SLC22A3: variants seen among roughly 807,000 people sequenced by gnomAD.
The protein encoded by SLC22A3 is solute carrier family 22 member 3.
A neutral mutation model predicts 59.1 loss-of-function variants in SLC22A3; 51 were observed. The observed-to-expected ratio is 0.86, with a 90% CI of 0.69 to 1.09. SLC22A3 has a LOEUF of 1.09. Among genes scored for constraint, SLC22A3 ranks in the 50% least tolerant of loss-of-function variants. The pLI, the probability that SLC22A3 is intolerant of heterozygous loss-of-function variation, is 0.00. For synonymous variants in SLC22A3, 325 were observed against 292.0 expected, an observed-to-expected ratio of 1.11 and a Z score of -1.15; for missense variants, 711 against 726.3, an observed-to-expected ratio of 0.98 and a Z score of 0.24.
At chr6:160,400,984 GAAAAAAA>G (rs58532600) in intron 2 of SLC22A3, among the ~76,000 whole-genome samples, 1 of 78,558 alleles carries the variant, frequency 1.3e-5, no homozygotes, top group Non-Finnish European at 2.3e-5. Flanking sequence ...CTCCAAAACT[GAAAAAAA>G]AAAAAAAAAA....
chr6:160,426,307 TTGGTTCTTG>T lies in SLC22A3; in HGVS notation c.976-10458_976-10450del, dbSNP rs933418045. 6.1e-6 allele frequency: 6 copies of T among 985,176 alleles called. No individual in the cohort carries two copies. The African/African-American group carries it at 7.0e-5, about 11-fold the overall frequency. The allele number at this position is 985,176 out of a possible 1,614,324, so 61.0% of individuals were successfully genotyped here. ...AGGAAATTCCGAGATGACAGTGGTTTTGGTTCTTGTGGTTCTTGTGGTTTTGGTTCTTGT... is the reference window on the plus strand; with the variant it reads ...AGGAAATTCCGAGATGACAGTGGTTTTGGTTCTTGTGGTTTTGGTTCTTGT... On this transcript the variant is annotated intron_variant, in intron 5 of 10. Coordinates refer to ENST00000275300, the MANE Select transcript of SLC22A3 (RefSeq NM_021977.4).
intron 1 of SLC22A3, among the ~76,000 whole-genome samples, chr6:160,368,808 G>T (rs1437192117): frequency 6.6e-6 from 1 of 152,214 alleles, no homozygotes; most frequent in Non-Finnish European, 1.5e-5. Context: ...GCTGGCGCAG[G>T]TAGCTGCCAT....
chr6:160,350,510 T>C (rs1784623669), intron 1 of SLC22A3, among the ~76,000 whole-genome samples: 1 of 152,224 alleles, frequency 6.6e-6, no homozygotes. Flanking sequence ...GAGTCGCATC[T>C]GTTAGGTGGC....
intron 5 of SLC22A3, among the ~76,000 whole-genome samples, chr6:160,429,794 A>G (rs1308763871): frequency 2.6e-5 from 4 of 152,090 alleles, no homozygotes; most frequent in South Asian, 2.1e-4. Context: ...CCAAATCAAC[A>G]TTAAATACAT....
chr6:160,445,182 C>T (rs903060991), intron 9 of SLC22A3, among the ~76,000 whole-genome samples: 7 of 152,330 alleles, frequency 4.6e-5, no homozygotes, highest in African/African-American at 1.4e-4. Context: ...GAATAGGTCA[C>T]AGGGACCCTT....
chr6:160,349,454 A>G (rs1478200258), intron 1 of SLC22A3, among the ~76,000 whole-genome samples: 1 of 151,454 alleles, frequency 6.6e-6, no homozygotes, highest in Non-Finnish European at 1.5e-5. Flanking sequence ...ATAAGTTGGG[A>G]AAACTGAAGT....
At chr6:160,442,300 A>G (rs2136043) in intron 7 of SLC22A3, among the ~76,000 whole-genome samples, 126,547 of 152,140 alleles carry the variant, frequency 0.83, 52,903 homozygotes, top group East Asian at 1. Context: ...CACGTGAGGA[A>G]CTCCCCAGGT....
intron 1 of SLC22A3, among the ~76,000 whole-genome samples, chr6:160,384,323 A>G (rs1231328802): frequency 2.0e-5 from 3 of 152,362 alleles, no homozygotes; most frequent in South Asian, 2.1e-4. Context: ...GGATGATTGT[A>G]TATACATAAA....
At chr6:160,437,455 G>A (rs1266033404) in intron 7 of SLC22A3, among the ~76,000 whole-genome samples, 1 of 152,202 alleles carries the variant, frequency 6.6e-6, no homozygotes, top group Admixed American at 6.5e-5. Flanking sequence ...GCCCAATCTA[G>A]CTGATAGCGA....
At chr6:160,349,315 G>A (rs1784584473) in intron 1 of SLC22A3, among the ~76,000 whole-genome samples, 1 of 152,152 alleles carries the variant, frequency 6.6e-6, no homozygotes, top group South Asian at 2.1e-4. Flanking sequence ...GCGAACCAAC[G>A]TTTGAAGGCA....
At chr6:160,353,266 C>T (rs1230947092) in intron 1 of SLC22A3, among the ~76,000 whole-genome samples, 1 of 152,264 alleles carries the variant, frequency 6.6e-6, no homozygotes, top group Non-Finnish European at 1.5e-5. Context: ...CAATAAGGAC[C>T]TTCATTATGA....
chr6:160,447,312 G>A (rs1022902453), intron 9 of SLC22A3, among the ~76,000 whole-genome samples: 2 of 152,174 alleles, frequency 1.3e-5, no homozygotes, highest in Admixed American at 6.5e-5. Context: ...GCTTTCCACT[G>A]TAAGGTAACA....
In SLC22A3 at chr6:160,393,411, G is replaced by T. The variant is rs959889793; in HGVS notation, c.430-4568G>T. On this transcript the variant is annotated intron_variant, in intron 1 of 10. Transcript: ENST00000275300. ...CCATTAACTCGTCATTTAGCATTAG[G>T]TATATCTCCTAATGCTATCCCTCCC... Among the ~76,000 whole-genome samples, 7 of 151,450 alleles carry T rather than the reference G, an allele frequency of 4.6e-5. No homozygotes were observed. The East Asian group carries it at 1.4e-3, about 29-fold the overall frequency.
Position 160,348,839 on chromosome 6 carries a change from C to A in SLC22A3, c.420C>A (p.Ile140=). 1 of 1,584,674 alleles carries A rather than the reference C, an allele frequency of 6.3e-7. No homozygotes were observed. Among genetic ancestry groups the A allele is most frequent in the Non-Finnish European group, 8.5e-7 (1 of 1,173,672 alleles). ...GCTACGCCCAGGCCCACTCCACCAT[C>A]GTCAGCGAGGTAAGGGCGCCCCGGC... ...GWRYAQAHST[I]VSEFDLVCVN... The change falls in exon 1 of 11, where the codon ATC becomes ATA. Residue 140 remains isoleucine, a synonymous_variant. Coordinates refer to ENST00000275300, the MANE Select transcript of SLC22A3 (RefSeq NM_021977.4).
At chr6:160,413,255 C>T (rs1026688174) in intron 5 of SLC22A3, among the ~76,000 whole-genome samples, 13 of 152,170 alleles carry the variant, frequency 8.5e-5, no homozygotes, top group Non-Finnish European at 1.2e-4. Flanking sequence ...ACTGACCCAG[C>T]TTTATTCATG....
chr6:160,448,850 A>G (rs1208663698), intron 10 of SLC22A3, among the ~76,000 whole-genome samples: 2 of 152,088 alleles, frequency 1.3e-5, no homozygotes, highest in East Asian at 3.8e-4. Context: ...ATACTGTTTG[A>G]TTTTCTTTAA....
At chr6:160,407,272 C>T in intron 3 of SLC22A3, 77 bp downstream of exon 3, 1 of 1,437,362 alleles carries the variant, frequency 7.0e-7, no homozygotes, top group Admixed American at 2.1e-5. Context: ...AATCAACCTT[C>T]CTCTTCCTCA....
At chr6:160,406,574 G>T (rs571367874) in intron 2 of SLC22A3, among the ~76,000 whole-genome samples, 1 of 152,244 alleles carries the variant, frequency 6.6e-6, no homozygotes, top group Non-Finnish European at 1.5e-5. Flanking sequence ...AGAAAAAGGT[G>T]GGAATAAACA....
At chr6:160,438,487 A>G (rs551096585) in intron 7 of SLC22A3, among the ~76,000 whole-genome samples, 1 of 152,342 alleles carries the variant, frequency 6.6e-6, no homozygotes, top group African/African-American at 2.4e-5. Flanking sequence ...AGACATTTAC[A>G]GATGAGTTTA....
Sources: gnomAD v4.1 joint callset for allele counts (sites outside exome capture counted in the v4.1 genomes callset) on GRCh38, gnomAD v4.1.1 for gene constraint, MANE v1.5 for transcripts, NCBI Gene and HGNC (gene_info 2026-07-23, HGNC 2026-07-21) for gene names.